The following SNX13 variants were observed in gnomAD, a reference collection of about 807,000 sequenced individuals.
SNX13 encodes the protein sorting nexin-13.
A neutral mutation model predicts 133.6 loss-of-function variants in SNX13; 45 were observed. The observed-to-expected ratio is 0.34, with a 90% CI of 0.27 to 0.43. The LOEUF is 0.43. Ranked by LOEUF, SNX13 falls within the 20% of genes least tolerant of loss-of-function variation. The pLI is 1.00. For synonymous variants in SNX13, 414 were observed against 373.9 expected, an observed-to-expected ratio of 1.11 and a Z score of -1.24; for missense variants, 1,032 against 1,145.1, an observed-to-expected ratio of 0.90 and a Z score of 1.43.
At chr7:17,894,602 A>C (rs1186075393) in intron 2 of SNX13, among the ~76,000 whole-genome samples, 1 of 152,206 alleles carries the variant, frequency 6.6e-6, no homozygotes, top group Non-Finnish European at 1.5e-5. Flanking sequence ...AAGGAAGATA[A>C]ATGGTGATTT....
chr7:17,897,320 T>C lies in SNX13; in HGVS notation c.125+14A>G, dbSNP rs747791810. On this transcript the variant is annotated intron_variant, in intron 2 of 25. Transcript: ENST00000428135. ...TGACACATGAATTATAAAATTATAA[T>C]TGAGTATACTTACCCACCCACAAAG... 77 of 1,368,938 alleles carry C rather than the reference T, an allele frequency of 5.6e-5. No individual in the cohort carries two copies. The highest frequency in any genetic ancestry group is 7.3e-5 in the Non-Finnish European group (73 of 1,005,526). 84.8% of individuals were successfully genotyped at this position (1,368,938 alleles called of 1,614,324 possible).
intron 15 of SNX13, chr7:17,832,185 T>G: frequency 1.0e-6 from 1 of 984,430 alleles, no homozygotes; most frequent in Non-Finnish European, 1.2e-6. Context: ...AAAAAAAAAT[T>G]TTTTAATGTA....
At position 17,791,716 on chromosome 7, in the gene SNX13, G is replaced by A. The variant is rs1029222470; in HGVS notation, c.*2329C>T. 6.6e-6 allele frequency: 1 copy of A among 152,054 alleles called. No homozygotes were observed. The highest frequency in any genetic ancestry group is 2.4e-5 in the African/African-American group (1 of 41,440). 9.4% of individuals were successfully genotyped at this position (152,054 alleles called of 1,614,324 possible). A position where few individuals can be genotyped will look rare whatever the true frequency, so the allele number is the denominator to read the frequency against. On this transcript the variant is annotated 3_prime_UTR_variant, in exon 26 of 26. Coordinates refer to ENST00000428135, the MANE Select transcript of SNX13 (RefSeq NM_015132.5). ...CATATATGCAATAAATGCATTAAATGTAACTTTATTAAACATAGTACACTG... is the reference window on the plus strand; with the variant it reads ...CATATATGCAATAAATGCATTAAATATAACTTTATTAAACATAGTACACTG...
intron 1 of SNX13, among the ~76,000 whole-genome samples, chr7:17,914,222 C>T (rs1373961032): frequency 2.0e-5 from 3 of 150,866 alleles, no homozygotes; most frequent in Admixed American, 1.3e-4. Flanking sequence ...AAAAAGACTT[C>T]GAGAAATACA....
At chr7:17,846,433 C>T (rs984055049) in intron 11 of SNX13, among the ~76,000 whole-genome samples, 1 of 152,072 alleles carries the variant, frequency 6.6e-6, no homozygotes, top group Non-Finnish European at 1.5e-5. Flanking sequence ...GTCACAAAGC[C>T]GGTAAGTATG....
Position 17,893,421 on chromosome 7 carries a change from T to C in SNX13, c.139A>G (p.Thr47Ala). The change falls in exon 3 of 26, where the codon ACT (threonine) becomes GCT (alanine). Residue 47 changes from threonine to alanine, a missense_variant. By Grantham distance (58) the Thr-to-Ala change is moderately conservative (BLOSUM62 0). Coordinates refer to ENST00000428135, the MANE Select transcript of SNX13 (RefSeq NM_015132.5). ...LCFVGGGLVV[T>A]LLFGKTNSEK... is the part of the protein sequence containing the mutation. ...GAGTTTGTTTTTCCAAACAGGAGAG[T>C]AACCACTAAACCCCTAGAAAGAAAA... 1 of 1,557,378 alleles carries C rather than the reference T, an allele frequency of 6.4e-7. No homozygotes were observed. The highest frequency in any genetic ancestry group is 8.7e-7 in the Non-Finnish European group (1 of 1,148,974).
At chr7:17,925,620 G>C (rs567171819) in intron 1 of SNX13, among the ~76,000 whole-genome samples, 2 of 152,136 alleles carry the variant, frequency 1.3e-5, no homozygotes, top group African/African-American at 2.4e-5. Context: ...TCTCAGCCAA[G>C]GGCAATTTTG....
At chr7:17,940,123 T>A (rs1225100760) in intron 1 of SNX13, among the ~76,000 whole-genome samples, 161 bp downstream of exon 1, 1 of 151,436 alleles carries the variant, frequency 6.6e-6, no homozygotes, top group Non-Finnish European at 1.5e-5. Context: ...TCAGCACAGC[T>A]CCTACTCTGA....
intron 20 of SNX13, among the ~76,000 whole-genome samples, chr7:17,807,102 CA>C (rs1275200222): frequency 6.6e-6 from 1 of 152,120 alleles, no homozygotes; most frequent in Non-Finnish European, 1.5e-5. Flanking sequence ...GCCACCGACA[CA>C]GAACCGTTCA....
At chr7:17,901,883 C>T (rs1248799465) in intron 1 of SNX13, among the ~76,000 whole-genome samples, 2 of 152,174 alleles carry the variant, frequency 1.3e-5, no homozygotes, top group African/African-American at 4.8e-5. Context: ...TTTGGCCATC[C>T]TGCTCTGCAT....
intron 9 of SNX13, among the ~76,000 whole-genome samples, chr7:17,856,264 A>C (rs1201317402): frequency 1.3e-5 from 2 of 152,236 alleles, no homozygotes; most frequent in African/African-American, 4.8e-5. Flanking sequence ...AACTTGTTAT[A>C]AATTTAAGGT....
At position 17,832,339 on chromosome 7, in the gene SNX13, ATTC is replaced by A. The variant is rs1323399422; in HGVS notation, c.1597+1710_1597+1712del. The A allele has an allele frequency of 1.6e-5, 16 of 984,486 alleles. No individual in the cohort carries two copies. The Admixed American group carries it at 3.1e-4, about 19-fold the overall frequency. 61.0% of individuals were successfully genotyped at this position (984,486 alleles called of 1,614,324 possible). A position where few individuals can be genotyped will look rare whatever the true frequency, so the allele number is the denominator to read the frequency against. Reference sequence around the variant, plus strand: ...GAAATCCATTTAAAGGACTGGAAGCATTCTTAAGTTACAGGATCAAAAATTACT... The same window carrying A: ...GAAATCCATTTAAAGGACTGGAAGCATTAAGTTACAGGATCAAAAATTACT... On this transcript the variant is annotated intron_variant, in intron 15 of 25. Transcript: ENST00000428135.
intron 21 of SNX13, among the ~76,000 whole-genome samples, chr7:17,802,558 ACAG>A (rs1784750458): frequency 6.6e-6 from 1 of 152,142 alleles, no homozygotes; most frequent in Admixed American, 6.6e-5. Flanking sequence ...TGAGTAATGA[ACAG>A]CAGAAGTGCG....
chr7:17,837,602 A>G lies in SNX13; in HGVS notation c.1359+2205T>C, dbSNP rs115243582. On this transcript the variant is annotated intron_variant, in intron 13 of 25. Coordinates refer to ENST00000428135, the MANE Select transcript of SNX13 (RefSeq NM_015132.5). Reference sequence around the variant, plus strand: ...TAGGTAGATCAACTGTTTGTCAATCAGGTCTTTTTCATCTATAAATTCATC... The same window carrying G: ...TAGGTAGATCAACTGTTTGTCAATCGGGTCTTTTTCATCTATAAATTCATC... Among the ~76,000 whole-genome samples the G allele has an allele frequency of 5.4e-3, 829 of 152,122 alleles. 9 individuals carry two copies. The highest frequency in any genetic ancestry group is 0.018 in the African/African-American group (756 of 41,530).
At chr7:17,872,716 T>A (rs1794257776) in intron 8 of SNX13, among the ~76,000 whole-genome samples, 1 of 152,154 alleles carries the variant, frequency 6.6e-6, no homozygotes, top group Admixed American at 6.5e-5. Context: ...TAAAAGCAAG[T>A]CTCAGGAATT....
At chr7:17,888,408 C>T (rs948014180) in intron 5 of SNX13, 3 of 215,588 alleles carry the variant, frequency 1.4e-5, no homozygotes, top group South Asian at 6.1e-5. Context: ...GGATCAAAAA[C>T]AGGGAAAGTA....
chr7:17,850,918 T>A lies in SNX13; in HGVS notation c.884A>T (p.Lys295Ile). The A allele has an allele frequency of 6.2e-7, 1 of 1,610,030 alleles. No individual in the cohort carries two copies. Among genetic ancestry groups the A allele is most frequent in the Non-Finnish European group, 8.5e-7 (1 of 1,178,866 alleles). The change falls in exon 10 of 26, where the codon AAA (lysine) becomes ATA (isoleucine). Residue 295 changes from lysine (K) to isoleucine (I), a missense_variant. Coordinates refer to ENST00000428135, the MANE Select transcript of SNX13 (RefSeq NM_015132.5). The part of the protein sequence containing the change: ...CNYEAFMNII[K>I]LSDNIGELEA... ...TAGCTCTCCAATATTGTCACTCAAT[T>A]TAATAATGTTCATAAAGGCCTCATA...
chr7:17,812,503 T>C (rs1048078365), intron 20 of SNX13, among the ~76,000 whole-genome samples: 3 of 152,162 alleles, frequency 2.0e-5, no homozygotes, highest in Non-Finnish European at 4.4e-5. Context: ...CAACAGATGC[T>C]GGAGAGGATG....
chr7:17,801,669 A>C lies in SNX13; in HGVS notation c.2227-10T>G. 3 of 1,599,334 alleles carry C rather than the reference A, an allele frequency of 1.9e-6. No individual in the cohort carries two copies. Among genetic ancestry groups the C allele is most frequent in the Non-Finnish European group, 1.7e-6 (2 of 1,172,346 alleles). ...GAATTAAAGGAGGCACCTAAAAATA[A>C]AACCAAATCCACAAAGTAAACACAC... On this transcript the variant is annotated splice_polypyrimidine_tract_variant and intron_variant, in intron 21 of 25. Transcript: ENST00000428135.
Sources: gnomAD v4.1 joint callset for allele counts (sites outside exome capture counted in the v4.1 genomes callset) on GRCh38, gnomAD v4.1.1 for gene constraint, MANE v1.5 for transcripts, NCBI Gene and HGNC (gene_info 2026-07-23, HGNC 2026-07-21) for gene names.